The following AKAP17A variants were observed in gnomAD, a reference collection of about 807,000 sequenced individuals.
The protein encoded by AKAP17A is A-kinase anchor protein 17A.
AKAP17A carries 15 observed loss-of-function variants against 52.2 expected under a neutral mutation model. The observed-to-expected ratio is 0.29, with a 90% CI of 0.19 to 0.44. The LOEUF (loss-of-function observed/expected upper bound fraction) is 0.44, where lower values mean the gene tolerates loss of function less well. Ranked by LOEUF, AKAP17A falls within the 20% of genes least tolerant of loss-of-function variation. The pLI, the probability that AKAP17A is intolerant of heterozygous loss-of-function variation, is 1.00. For synonymous variants in AKAP17A, 514 were observed against 424.7 expected (o/e 1.21, Z -2.58); for missense variants, 1,060 against 1,007.0 (o/e 1.05, Z -0.71).
chrX:1,597,711 A>G (rs1179599933), intron 3 of AKAP17A, among the ~76,000 whole-genome samples: 6 of 151,742 alleles, frequency 4.0e-5, no homozygotes, highest in Non-Finnish European at 1.5e-5. Flanking sequence ...GGGTGCGGAG[A>G]AGAAGCTGCA....
chrX:1,598,613 G>T (rs1183040118), intron 3 of AKAP17A, among the ~76,000 whole-genome samples: 1 of 152,088 alleles, frequency 6.6e-6, no homozygotes, highest in Non-Finnish European at 1.5e-5. Flanking sequence ...TGGGGACCGC[G>T]CCCCTCCCCG....
At chrX:1,599,505 C>T (rs776530516) in intron 4 of AKAP17A, 73 bp downstream of exon 4, 19 of 1,545,102 alleles carry the variant, frequency 1.2e-5, no homozygotes, top group Admixed American at 3.9e-5. Flanking sequence ...GAAATGCGGG[C>T]GGCGTCACGG....
At chrX:1,592,085 G>A (rs1346455562) in intron 1 of AKAP17A, among the ~76,000 whole-genome samples, 3 of 151,908 alleles carry the variant, frequency 2.0e-5, no homozygotes, top group African/African-American at 7.3e-5. Flanking sequence ...GAGCTCGGGG[G>A]ATCGGATGGG....
In AKAP17A at chrX:1,600,640, A is replaced by C; in HGVS notation, c.1153-19A>C. ...AGGCTCAGGAACCGGGCTCAGCTGC[A>C]CTTTCCTCTTCCCCGCAGGCTGTGA... On this transcript the variant is annotated intron_variant, in intron 4 of 4. Coordinates refer to ENST00000313871, the MANE Select transcript of AKAP17A (RefSeq NM_005088.3). The C allele has an allele frequency of 1.3e-6, 2 of 1,520,660 alleles. No individual in the cohort carries two copies. Among genetic ancestry groups the C allele is most frequent in the Non-Finnish European group, 8.8e-7 (1 of 1,132,722 alleles). The allele number at this position is 1,520,660 out of a possible 1,614,324, so 94.2% of individuals were successfully genotyped here. A position where few individuals can be genotyped will look rare whatever the true frequency, so the allele number is the denominator to read the frequency against.
chrX:1,597,796 G>A, intron 3 of AKAP17A, among the ~76,000 whole-genome samples: 1 of 152,230 alleles, frequency 6.6e-6, no homozygotes, highest in Non-Finnish European at 1.5e-5. Flanking sequence ...GACCCCGTCT[G>A]CCTGGCCAGA....
Position 1,599,156 on chromosome X carries a change from C to T in AKAP17A, c.912-36C>T, listed in dbSNP as rs370550411. Reference sequence around the variant, plus strand: ...ATGGTGTGTGGTGTGTTGGCTGCGGCGCTCTCTGTGACCACCCCCGGTGTG... The same window carrying T: ...ATGGTGTGTGGTGTGTTGGCTGCGGTGCTCTCTGTGACCACCCCCGGTGTG... On this transcript the variant is annotated intron_variant, in intron 3 of 4. Coordinates refer to ENST00000313871, the MANE Select transcript of AKAP17A (RefSeq NM_005088.3). The T allele has an allele frequency of 3.5e-3, 5,566 of 1,602,654 alleles. 219 individuals are homozygous for T. In the South Asian group the frequency reaches 0.056, roughly 16 times the overall value.
chrX:1,592,021 G>A (rs1431525401), intron 1 of AKAP17A, among the ~76,000 whole-genome samples: 53 of 151,638 alleles, frequency 3.5e-4, no homozygotes, highest in Non-Finnish European at 6.9e-4. Flanking sequence ...GGCTGGAGCG[G>A]TTCCTGGGAC....
At position 1,601,370 on chromosome X, in the gene AKAP17A, C is replaced by CGG; in HGVS notation, c.1865_1866dup (p.Pro623GlyfsTer130). ...GGACGGGAGGCCACGCAAGGAGCGG[C>CGG]GGCCCCACAAGAAGCACGCCTACAA... On this transcript the variant is annotated frameshift_variant, in exon 5 of 5. Coordinates refer to ENST00000313871, the MANE Select transcript of AKAP17A (RefSeq NM_005088.3). LOFTEE classifies it high-confidence loss of function. The CGG allele has an allele frequency of 6.3e-7, 1 of 1,576,290 alleles. No homozygotes were observed. Among genetic ancestry groups the CGG allele is most frequent in the Non-Finnish European group, 8.6e-7 (1 of 1,166,518 alleles).
chrX:1,593,085 TC>T (rs1932867128), intron 1 of AKAP17A, among the ~76,000 whole-genome samples: 1 of 152,044 alleles, frequency 6.6e-6, no homozygotes, highest in Non-Finnish European at 1.5e-5. Context: ...GTTTGTAGCG[TC>T]CCCGTTCCTA....
chrX:1,598,096 T>C (rs1361033150), intron 3 of AKAP17A, among the ~76,000 whole-genome samples: 1 of 152,212 alleles, frequency 6.6e-6, no homozygotes, highest in Non-Finnish European at 1.5e-5. Flanking sequence ...AGCTGTCCTC[T>C]GAAAGCTGCC....
chrX:1,598,413 G>A (rs1217695612), intron 3 of AKAP17A, among the ~76,000 whole-genome samples: 12 of 152,158 alleles, frequency 7.9e-5, no homozygotes, highest in South Asian at 2.1e-4. Context: ...TCACCCCGGC[G>A]GGCTTTGTGG....
In AKAP17A at chrX:1,593,988, A is replaced by G; in HGVS notation, c.526A>G (p.Lys176Glu). Residue 176 changes from lysine to glutamate, a missense_variant, in exon 2 of 5, where the codon AAG becomes GAG. Coordinates refer to ENST00000313871, the MANE Select transcript of AKAP17A (RefSeq NM_005088.3). ...SEKPSEDVLVKVFEKFGEIRN... is the reference protein window; with the variant it reads ...SEKPSEDVLVEVFEKFGEIRN... ...GAAGCCCAGCGAGGACGTCCTGGTC[A>G]AGGTGTTTGAGAAGTTCGGGGAGAT... The G allele has an allele frequency of 6.2e-7, 1 of 1,602,612 alleles. No homozygotes were observed. The highest frequency in any genetic ancestry group is 8.5e-7 in the Non-Finnish European group (1 of 1,173,182).
intron 3 of AKAP17A, 96 bp from the exon 4 acceptor site, chrX:1,599,096 G>C: frequency 2.0e-6 from 3 of 1,529,720 alleles, no homozygotes; most frequent in Non-Finnish European, 2.6e-6. Context: ...TCGTTGGACC[G>C]TGGCCTGTTC....
chrX:1,596,849 G>A (rs189612562), intron 3 of AKAP17A, among the ~76,000 whole-genome samples: 136 of 7,524 alleles, frequency 0.018, 48 homozygotes, highest in African/African-American at 0.11. Flanking sequence ...CATCCCTCCT[G>A]CCGTGTCCTC....
Position 1,601,086 on chromosome X carries a change from GCTC to G in AKAP17A, c.1583_1585del (p.Ser528del). 6.2e-7 allele frequency: 1 copy of G among 1,613,682 alleles called. No individual in the cohort carries two copies. The highest frequency in any genetic ancestry group is 8.5e-7 in the Non-Finnish European group (1 of 1,179,692). ...GAGGCCCCATGCAAGGAGGTTCAGA[GCTC>G]CTGTCGTGTGGTCCCCGAGGATGGC... On this transcript the variant is annotated inframe_deletion, in exon 5 of 5. Transcript: ENST00000313871.
Position 1,593,536 on chromosome X carries a change from A to G in AKAP17A, c.74A>G (p.Lys25Arg). ...TGCCCTGCTTACGGCTTGTACCTGAAGCCCATCACCAAGATGACCATCAGC... is the reference window on the plus strand; with the variant it reads ...TGCCCTGCTTACGGCTTGTACCTGAGGCCCATCACCAAGATGACCATCAGC... ...ELCPAYGLYL[K>R]PITKMTISVA... Residue 25 changes from lysine to arginine, a missense_variant, in exon 2 of 5, where the codon AAG becomes AGG. Transcript: ENST00000313871. The G allele has an allele frequency of 1.2e-6, 2 of 1,613,686 alleles. No homozygotes were observed.
chrX:1,594,215 C>A lies in AKAP17A; in HGVS notation c.753C>A (p.Cys251Ter). The A allele has an allele frequency of 6.5e-7, 1 of 1,536,398 alleles. No individual in the cohort carries two copies. Among genetic ancestry groups the A allele is most frequent in the Non-Finnish European group, 8.8e-7 (1 of 1,140,062 alleles). ...YKGEDGKAVA[C>*]NIKVSFDSTK... The stretch of plus-strand genomic sequence containing the variant: ...GCGAGGACGGCAAGGCCGTGGCCTG[C>A]AACATCAAGGTGAGTCCTGGGCACC... The change falls in exon 2 of 5, where the codon TGC (cysteine) becomes TGA (stop). Residue 251 changes from cysteine to a stop codon, truncating the protein, a stop_gained. Transcript: ENST00000313871. LOFTEE classifies it high-confidence loss of function.
rs1933374196 is a variant in AKAP17A, at chrX:1,601,420, C to T, written c.1914C>T (p.Ser638=). 1.9e-6 allele frequency: 3 copies of T among 1,567,736 alleles called. No individual in the cohort carries two copies. The highest frequency in any genetic ancestry group is 1.4e-5 in the African/African-American group (1 of 73,978). Residue 638 remains serine (S), a synonymous_variant, in exon 5 of 5, where the codon AGC becomes AGT. Coordinates refer to ENST00000313871, the MANE Select transcript of AKAP17A (RefSeq NM_005088.3). ...AGGATGACAGCCCCCGCCGGCGCAG[C>T]ACGAGCCCGGACCACACCCGGTCCC... ...AYKDDSPRRR[S]TSPDHTRSRR...
intron 3 of AKAP17A, among the ~76,000 whole-genome samples, chrX:1,596,854 GTCC>G (rs1381320152): frequency 1.8e-4 from 1 of 5,592 alleles, no homozygotes; most frequent in East Asian, 5.3e-3. Flanking sequence ...CTCCTGCCGT[GTCC>G]TCCTAGTGAG....
Sources: allele counts gnomAD v4.1 joint callset (sites outside exome capture counted in the v4.1 genomes callset), GRCh38; gene constraint gnomAD v4.1.1; transcripts MANE v1.5; gene names NCBI Gene and HGNC (gene_info 2026-07-23, HGNC 2026-07-21).